The following DISC1 variants were observed in gnomAD, a reference collection of about 807,000 sequenced individuals.
DISC1 encodes DISC1 scaffold protein.
Under a neutral mutation model 84.5 loss-of-function variants are expected in DISC1, and 57 were observed. The ratio of observed to expected loss-of-function variants is 0.67; its 90% CI spans 0.55 to 0.84. The LOEUF (loss-of-function observed/expected upper bound fraction) is 0.84, where lower values mean the gene tolerates loss of function less well. Ranked by LOEUF, DISC1 falls within the 40% of genes least tolerant of loss-of-function variation. The pLI is 0.00. For missense variants in DISC1, 1,000 were observed against 1,057.8 expected (o/e 0.95, Z 0.76); for synonymous variants, 411 against 415.2 (o/e 0.99, Z 0.12).
chr1:231,773,880 T>G (rs2076753864), intron 6 of DISC1, among the ~76,000 whole-genome samples: 1 of 151,918 alleles, frequency 6.6e-6, no homozygotes, highest in Admixed American at 6.6e-5. Flanking sequence ...GGCTGCCACG[T>G]TTTTGTGCTG....
intron 9 of DISC1, among the ~76,000 whole-genome samples, chr1:231,952,893 T>C (rs1420947189): frequency 6.6e-6 from 1 of 152,094 alleles, no homozygotes; most frequent in African/African-American, 2.4e-5. Flanking sequence ...TGGCCTCCCC[T>C]GAATTTAGTG....
intron 12 of DISC1, among the ~76,000 whole-genome samples, chr1:232,035,746 A>C (rs1670457415): frequency 6.6e-6 from 1 of 152,070 alleles, no homozygotes; most frequent in Non-Finnish European, 1.5e-5. Context: ...CCCAACGCTC[A>C]CCCTGCATTT....
In DISC1 at chr1:232,036,680, C is replaced by G; in HGVS notation, c.2426-12C>G. 2 of 1,575,634 alleles carry G rather than the reference C, an allele frequency of 1.3e-6. No homozygotes were observed. The highest frequency in any genetic ancestry group is 1.7e-6 in the Non-Finnish European group (2 of 1,152,162). On this transcript the variant is annotated splice_polypyrimidine_tract_variant and intron_variant, in intron 12 of 12. Coordinates refer to ENST00000439617, the MANE Select transcript of DISC1 (RefSeq NM_018662.3). ...GATCACCTTCGAATGTGCTCCTTAA[C>G]AATGTGCCCACAGTCTCTCAGGAGG...
At chr1:231,888,696 C>T (rs1464076034) in intron 9 of DISC1, among the ~76,000 whole-genome samples, 1 of 142,238 alleles carries the variant, frequency 7.0e-6, no homozygotes, top group Non-Finnish European at 1.5e-5. Flanking sequence ...CAAGATCGTG[C>T]CACTGCAGTC....
chr1:231,846,519 A>G (rs183663329), intron 9 of DISC1, among the ~76,000 whole-genome samples: 1 of 152,342 alleles, frequency 6.6e-6, no homozygotes, highest in Non-Finnish European at 1.5e-5. Context: ...GGAACAGAAA[A>G]TCGTCGCATT....
intron 3 of DISC1, among the ~76,000 whole-genome samples, chr1:231,739,555 G>A (rs1422797684): frequency 3.3e-5 from 5 of 152,190 alleles, no homozygotes; most frequent in African/African-American, 1.2e-4. Flanking sequence ...TACCAATGGG[G>A]CCGCTCACTG....
chr1:231,888,724 T>G (rs1574418471), intron 9 of DISC1, among the ~76,000 whole-genome samples: 1 of 110,960 alleles, frequency 9.0e-6, no homozygotes, highest in East Asian at 2.4e-4. Flanking sequence ...GGCGACAGAG[T>G]GAGGCTCTGT....
At chr1:231,702,348 T>A in intron 3 of DISC1, 1 of 1,046,642 alleles carries the variant, frequency 9.6e-7, no homozygotes, top group Non-Finnish European at 1.1e-6. Flanking sequence ...TCATAAAAAA[T>A]ATTCGTCTGA....
chr1:232,021,880 A>C (rs1187249731), intron 11 of DISC1, among the ~76,000 whole-genome samples: 1 of 152,126 alleles, frequency 6.6e-6, no homozygotes, highest in Non-Finnish European at 1.5e-5. Flanking sequence ...GACCATCTGA[A>C]GGTTCAGTCC....
At chr1:231,743,315 A>G (rs1186860586) in intron 3 of DISC1, among the ~76,000 whole-genome samples, 20 of 152,224 alleles carry the variant, frequency 1.3e-4, no homozygotes, top group Admixed American at 1.3e-3. Context: ...TGATGTAGAT[A>G]CTATTATTAA....
chr1:231,912,071 G>T (rs892933651), intron 9 of DISC1, among the ~76,000 whole-genome samples: 4 of 152,014 alleles, frequency 2.6e-5, no homozygotes, highest in Non-Finnish European at 5.9e-5. Flanking sequence ...TTAGCCATTC[G>T]TCTAATGTTT....
Position 232,038,704 on chromosome 1 carries a change from A to G in DISC1, c.*1873A>G, listed in dbSNP as rs896406377. The G allele has an allele frequency of 5.3e-5, 8 of 152,198 alleles. No homozygotes were observed. Among genetic ancestry groups the G allele is most frequent in the Non-Finnish European group, 7.3e-5 (5 of 68,058 alleles). The allele number at this position is 152,198 out of a possible 1,614,324, so 9.4% of individuals were successfully genotyped here. A position where few individuals can be genotyped will look rare whatever the true frequency, so the allele number is the denominator to read the frequency against. On this transcript the variant is annotated 3_prime_UTR_variant, in exon 13 of 13. Coordinates refer to ENST00000439617, the MANE Select transcript of DISC1 (RefSeq NM_018662.3). Reference sequence around the variant, plus strand: ...TTAGAAACCACACTCACACTTTTGCAGAGTGTTGAGCTTAATAACTACCTG... The same window carrying G: ...TTAGAAACCACACTCACACTTTTGCGGAGTGTTGAGCTTAATAACTACCTG...
intron 3 of DISC1, among the ~76,000 whole-genome samples, chr1:231,733,835 T>C (rs901375852): frequency 2.7e-5 from 4 of 149,478 alleles, no homozygotes; most frequent in East Asian, 2.0e-4. Flanking sequence ...GTACGAGTTA[T>C]GGTGATGATG....
intron 10 of DISC1, among the ~76,000 whole-genome samples, chr1:231,999,449 C>T (rs1280540768): frequency 1.3e-5 from 2 of 152,150 alleles, no homozygotes; most frequent in African/African-American, 4.8e-5. Flanking sequence ...ATTTGGAGCC[C>T]TGCTAACAAT....
At chr1:231,910,069 T>C (rs2089062977) in intron 9 of DISC1, among the ~76,000 whole-genome samples, 1 of 152,236 alleles carries the variant, frequency 6.6e-6, no homozygotes, top group African/African-American at 2.4e-5. Context: ...TTCTCTCTTT[T>C]CTTCTTTATT....
At chr1:231,827,290 TA>T (rs1379839765) in intron 9 of DISC1, among the ~76,000 whole-genome samples, 1 of 152,074 alleles carries the variant, frequency 6.6e-6, no homozygotes, top group Non-Finnish European at 1.5e-5. Context: ...CCAGCATAAA[TA>T]AAAAAAATTT....
At chr1:231,805,461 C>T (rs2079627177) in intron 8 of DISC1, among the ~76,000 whole-genome samples, 1 of 152,014 alleles carries the variant, frequency 6.6e-6, no homozygotes, top group East Asian at 1.9e-4. Flanking sequence ...GGGAAACCAG[C>T]ACTTCACACG....
intron 9 of DISC1, among the ~76,000 whole-genome samples, chr1:231,958,078 T>C (rs1659831961): frequency 6.6e-6 from 1 of 152,258 alleles, no homozygotes; most frequent in Non-Finnish European, 1.5e-5. Context: ...TAGAAACCCC[T>C]TGGCTGCAGG....
chr1:232,008,467 G>A (rs934296716), intron 10 of DISC1, among the ~76,000 whole-genome samples: 1 of 152,034 alleles, frequency 6.6e-6, no homozygotes. Flanking sequence ...AGGATTCAAA[G>A]CAAGTCAGTA....
Sources: gnomAD v4.1 joint callset for allele counts (sites outside exome capture counted in the v4.1 genomes callset) on GRCh38, gnomAD v4.1.1 for gene constraint, MANE v1.5 for transcripts, NCBI Gene and HGNC (gene_info 2026-07-23, HGNC 2026-07-21) for gene names.